GALNTL6: variants seen among roughly 807,000 people sequenced by gnomAD.
GALNTL6 encodes the protein polypeptide N-acetylgalactosaminyltransferase-like 6.
Under a neutral mutation model 73.7 loss-of-function variants are expected in GALNTL6, and 46 were observed. That is an observed-to-expected ratio of 0.62 (90% CI 0.49 to 0.80). The LOEUF is 0.80. Ranked by LOEUF, GALNTL6 falls within the 30% of genes least tolerant of loss-of-function variation. The pLI is 0.00. For synonymous variants in GALNTL6, 259 were observed against 263.7 expected, an observed-to-expected ratio of 0.98 and a Z score of 0.17; for missense variants, 604 against 755.0, an observed-to-expected ratio of 0.80 and a Z score of 2.34.
At chr4:172,453,524 A>G (rs1732288008) in intron 5 of GALNTL6, among the ~76,000 whole-genome samples, 1 of 152,182 alleles carries the variant, frequency 6.6e-6, no homozygotes, top group African/African-American at 2.4e-5. Flanking sequence ...CTGCAGTTGT[A>G]TTAAGAGGAA....
intron 2 of GALNTL6, among the ~76,000 whole-genome samples, chr4:171,887,074 C>G (rs1200182331): frequency 6.6e-6 from 1 of 152,064 alleles, no homozygotes; most frequent in Non-Finnish European, 1.5e-5. Flanking sequence ...CTGAGCATTT[C>G]AAAGTAAAGT....
chr4:172,158,527 C>T (rs1734355590), intron 2 of GALNTL6, among the ~76,000 whole-genome samples: 1 of 151,844 alleles, frequency 6.6e-6, no homozygotes, highest in African/African-American at 2.4e-5. Context: ...TATAATAGTG[C>T]TGCCAATCTG....
chr4:173,030,312 T>A (rs1753404615), intron 12 of GALNTL6, among the ~76,000 whole-genome samples: 1 of 152,194 alleles, frequency 6.6e-6, no homozygotes, highest in Admixed American at 6.5e-5. Context: ...TCCCATCCTG[T>A]TTTTAGCTGT....
rs964545118 is a variant in GALNTL6 at position 172,335,079 on chromosome 4, C to G, written c.387-13444C>G. On this transcript the variant is annotated intron_variant, in intron 4 of 12. Coordinates refer to ENST00000506823, the MANE Select transcript of GALNTL6 (RefSeq NM_001034845.3). ...CACTGCAAGCTCCGCCTCCCAGGTTCACACCATACAGGCACCCGCCACCAC... is the reference window on the plus strand; with the variant it reads ...CACTGCAAGCTCCGCCTCCCAGGTTGACACCATACAGGCACCCGCCACCAC... 3.3e-5 allele frequency among the ~76,000 whole-genome samples: 5 copies of G among 151,628 alleles called. No homozygotes were observed. The East Asian group carries it at 9.8e-4, about 30-fold the overall frequency.
chr4:172,058,621 GACTT>G (rs1731103667), intron 2 of GALNTL6, among the ~76,000 whole-genome samples: 1 of 151,860 alleles, frequency 6.6e-6, no homozygotes, highest in African/African-American at 2.4e-5. Context: ...CTATTCTCCT[GACTT>G]ACTTTACATA....
At chr4:172,047,154 C>A (rs1268109391) in intron 2 of GALNTL6, among the ~76,000 whole-genome samples, 1 of 152,102 alleles carries the variant, frequency 6.6e-6, no homozygotes, top group African/African-American at 2.4e-5. Context: ...TTAATTGACC[C>A]AATTGCTGCC....
chr4:172,131,242 A>G (rs1733483097), intron 2 of GALNTL6, among the ~76,000 whole-genome samples: 1 of 151,596 alleles, frequency 6.6e-6, no homozygotes, highest in Admixed American at 6.6e-5. Flanking sequence ...TTTAAAACAA[A>G]TACGAAATCT....
chr4:172,844,492 C>T (rs950026768), intron 7 of GALNTL6, among the ~76,000 whole-genome samples: 1 of 152,206 alleles, frequency 6.6e-6, no homozygotes, highest in Non-Finnish European at 1.5e-5. Context: ...GTGTTTTTCA[C>T]TCCTCACGCC....
chr4:172,229,405 G>A (rs572169888), intron 2 of GALNTL6, among the ~76,000 whole-genome samples: 19 of 152,212 alleles, frequency 1.2e-4, no homozygotes, highest in Non-Finnish European at 1.8e-4. Flanking sequence ...AAATATTAGC[G>A]TCTCTGGATG....
intron 2 of GALNTL6, among the ~76,000 whole-genome samples, chr4:172,074,472 T>C (rs1345601967): frequency 6.8e-6 from 1 of 146,830 alleles, no homozygotes; most frequent in African/African-American, 2.7e-5. Context: ...GGTTCTATCA[T>C]CCACAATTGC....
intron 2 of GALNTL6, among the ~76,000 whole-genome samples, chr4:171,875,997 G>A (rs1736265523): frequency 2.0e-5 from 3 of 151,950 alleles, no homozygotes; most frequent in Admixed American, 2.0e-4. Flanking sequence ...TTAAAACTAT[G>A]TTTAGTTATT....
intron 2 of GALNTL6, among the ~76,000 whole-genome samples, chr4:172,150,855 G>A (rs2110760590): frequency 6.6e-6 from 1 of 152,222 alleles, no homozygotes; most frequent in South Asian, 2.1e-4. Flanking sequence ...GTAAAAACAT[G>A]TTGTATTTTA....
intron 2 of GALNTL6, among the ~76,000 whole-genome samples, chr4:171,819,292 C>T (rs1030221705): frequency 1.3e-5 from 2 of 152,150 alleles, no homozygotes; most frequent in African/African-American, 2.4e-5. Context: ...AACACTGTAA[C>T]AAGTATCTTA....
At chr4:172,328,711 T>A (rs1239969082) in intron 4 of GALNTL6, among the ~76,000 whole-genome samples, 6 of 152,194 alleles carry the variant, frequency 3.9e-5, no homozygotes, top group Non-Finnish European at 8.8e-5. Flanking sequence ...CATTGAGAAA[T>A]TCTCGTAGTG....
chr4:171,857,175 G>A (rs1735715494), intron 2 of GALNTL6, among the ~76,000 whole-genome samples: 1 of 152,038 alleles, frequency 6.6e-6, no homozygotes, highest in African/African-American at 2.4e-5. Flanking sequence ...ACATGAAAGT[G>A]AAATAAACTA....
intron 8 of GALNTL6, among the ~76,000 whole-genome samples, chr4:172,888,632 C>A (rs144419505): frequency 3.3e-4 from 50 of 152,238 alleles, no homozygotes; most frequent in African/African-American, 1.2e-3. Context: ...GTTTTCGTAC[C>A]AGTACCCTCC....
intron 2 of GALNTL6, among the ~76,000 whole-genome samples, chr4:171,861,528 CCTT>C (rs1735830893): frequency 6.6e-6 from 1 of 152,078 alleles, no homozygotes; most frequent in Non-Finnish European, 1.5e-5. Flanking sequence ...TTAAGCATAT[CCTT>C]CTTTTTTCTT....
intron 4 of GALNTL6, among the ~76,000 whole-genome samples, chr4:172,317,464 T>C (rs1283810208): frequency 6.6e-6 from 1 of 152,220 alleles, no homozygotes; most frequent in Non-Finnish European, 1.5e-5. Context: ...GATAATGATC[T>C]TGTTGATTCC....
chr4:172,080,335 C>A (rs1170499720), intron 2 of GALNTL6, among the ~76,000 whole-genome samples: 2 of 152,008 alleles, frequency 1.3e-5, no homozygotes, highest in Non-Finnish European at 2.9e-5. Context: ...CACATGGTAC[C>A]ACATTTAGCT....
Sources: allele counts gnomAD v4.1 joint callset (sites outside exome capture counted in the v4.1 genomes callset), GRCh38; gene constraint gnomAD v4.1.1; transcripts MANE v1.5; gene names NCBI Gene and HGNC (gene_info 2026-07-23, HGNC 2026-07-21).